Variants in CACNB4 observed in about 807,000 individuals in gnomAD.
CACNB4 encodes the protein voltage-dependent L-type calcium channel subunit beta-4.
In CACNB4, 32 loss-of-function variants were observed where a neutral mutation model predicts 71.2. That is an observed-to-expected ratio of 0.45 (90% CI 0.34 to 0.60). The LOEUF is 0.60. CACNB4 is among the 20% of genes least tolerant of loss of function. The probability of loss-of-function intolerance (pLI) is 0.01; values close to 1 mark genes in which losing one functional copy is unlikely to be tolerated. For missense variants in CACNB4, 464 were observed against 647.9 expected (o/e 0.72, Z 3.08); for synonymous variants, 231 against 236.9 (o/e 0.97, Z 0.23).
At chr2:152,091,293 G>A (rs867723674) in intron 2 of CACNB4, among the ~76,000 whole-genome samples, 2 of 152,076 alleles carry the variant, frequency 1.3e-5, no homozygotes, top group African/African-American at 2.4e-5. Flanking sequence ...AAATAAGCGC[G>A]AACTTTTTAA....
intron 2 of CACNB4, chr2:151,972,513 T>C (rs1158834133): frequency 6.6e-6 from 1 of 152,184 alleles, no homozygotes; most frequent in African/African-American, 2.4e-5. Flanking sequence ...GACAGTCTGA[T>C]CATTTATGAG....
At chr2:152,095,919 C>T (rs1688242055) in intron 2 of CACNB4, among the ~76,000 whole-genome samples, 2 of 152,178 alleles carry the variant, frequency 1.3e-5, no homozygotes, top group Admixed American at 1.3e-4. Context: ...TCCCAAAGTG[C>T]TGGGATTACA....
chr2:152,032,907 T>C (rs1684363847), intron 2 of CACNB4, among the ~76,000 whole-genome samples: 1 of 152,160 alleles, frequency 6.6e-6, no homozygotes, highest in Non-Finnish European at 1.5e-5. Context: ...TGAGCTATGA[T>C]TATGCCACTG....
intron 2 of CACNB4, among the ~76,000 whole-genome samples, chr2:151,947,449 G>A (rs896871056): frequency 6.6e-6 from 1 of 152,212 alleles, no homozygotes; most frequent in African/African-American, 2.4e-5. Context: ...GGCAGGGGGA[G>A]TGGGGGACGG....
intron 2 of CACNB4, among the ~76,000 whole-genome samples, chr2:151,911,764 C>T (rs2099856224): frequency 6.6e-6 from 1 of 152,134 alleles, no homozygotes; most frequent in Admixed American, 6.6e-5. Context: ...CCAGCTCCTC[C>T]TTGTATTTCT....
intron 2 of CACNB4, among the ~76,000 whole-genome samples, chr2:151,902,293 A>C (rs566458673): frequency 1.3e-5 from 2 of 152,128 alleles, no homozygotes; most frequent in Non-Finnish European, 2.9e-5. Flanking sequence ...AGCATCCCAA[A>C]GTATGGGGAT....
At chr2:151,937,451 T>C (rs2099863192) in intron 2 of CACNB4, among the ~76,000 whole-genome samples, 1 of 152,226 alleles carries the variant, frequency 6.6e-6, no homozygotes, top group Admixed American at 6.5e-5. Context: ...AAGGGAGGGA[T>C]CTGAGATGCC....
intron 2 of CACNB4, among the ~76,000 whole-genome samples, chr2:151,920,324 T>A (rs2099858678): frequency 7.0e-6 from 1 of 143,458 alleles, no homozygotes; most frequent in African/African-American, 2.6e-5. Flanking sequence ...TCTTCTTTTT[T>A]TTTTTTTTTT....
chr2:152,075,271 T>C (rs960421801), intron 2 of CACNB4, among the ~76,000 whole-genome samples: 14 of 152,214 alleles, frequency 9.2e-5, no homozygotes, highest in African/African-American at 3.4e-4. Flanking sequence ...CCACAACTGA[T>C]TCCATCAACA....
At chr2:152,020,395 T>C (rs1683592567) in intron 2 of CACNB4, among the ~76,000 whole-genome samples, 1 of 152,202 alleles carries the variant, frequency 6.6e-6, no homozygotes, top group Admixed American at 6.5e-5. Context: ...GAAGTTGTGA[T>C]GATGCTTCAG....
At chr2:151,970,350 G>A (rs77703178) in intron 2 of CACNB4, 1 of 152,092 alleles carries the variant, frequency 6.6e-6, no homozygotes, top group South Asian at 2.1e-4. Context: ...ACTATTTCTG[G>A]GTGGTAGGTT....
At chr2:151,856,074 T>C (rs1206499402) in intron 10 of CACNB4, among the ~76,000 whole-genome samples, 2 of 150,244 alleles carry the variant, frequency 1.3e-5, no homozygotes, top group Admixed American at 1.3e-4. Flanking sequence ...CTGGCTGTAA[T>C]AGCCAAGTGA....
chr2:152,012,414 A>G (rs1683108780), intron 2 of CACNB4, among the ~76,000 whole-genome samples: 1 of 151,970 alleles, frequency 6.6e-6, no homozygotes, highest in Non-Finnish European at 1.5e-5. Flanking sequence ...GACCAGCCTG[A>G]CCAACATGGT....
intron 7 of CACNB4, 115 bp from the exon 8 acceptor site, chr2:151,870,726 C>T (rs977065133): frequency 3.8e-5 from 46 of 1,217,854 alleles, no homozygotes; most frequent in Non-Finnish European, 5.4e-5. Context: ...TATCAAAGTC[C>T]CCACCGAGGA....
At position 152,034,930 on chromosome 2, in the gene CACNB4, T is replaced by A. The variant is rs116849871; in HGVS notation, c.147+63400A>T. 2.8e-4 allele frequency among the ~76,000 whole-genome samples: 43 copies of A among 152,316 alleles called. No individual in the cohort carries two copies. The East Asian group carries it at 8.3e-3, about 29-fold the overall frequency. On this transcript the variant is annotated intron_variant, in intron 2 of 13. Transcript: ENST00000539935. ...GCAGAACAGTTGACCAAAGGAATCG[T>A]GAGTGCAGCTGGAGTCCTGGGAAGT... is the stretch of plus-strand genomic sequence containing the variant.
chr2:152,013,259 T>C (rs1683159037), intron 2 of CACNB4, among the ~76,000 whole-genome samples: 2 of 152,200 alleles, frequency 1.3e-5, no homozygotes, highest in African/African-American at 4.8e-5. Context: ...TACATGACTG[T>C]ACAGAGTTTT....
chr2:151,984,097 C>T (rs1322903416), intron 2 of CACNB4, among the ~76,000 whole-genome samples: 2 of 152,164 alleles, frequency 1.3e-5, no homozygotes, highest in African/African-American at 4.8e-5. Context: ...CGGTCCAGAG[C>T]TCTATCGAAT....
chr2:151,967,104 G>A (rs539860106), intron 2 of CACNB4: 1 of 142,950 alleles, frequency 7.0e-6, no homozygotes, highest in African/African-American at 2.7e-5. Flanking sequence ...CTGAAGTGCA[G>A]TGGCATGATC....
chr2:152,084,103 G>A (rs565975968), intron 2 of CACNB4, among the ~76,000 whole-genome samples: 3 of 152,314 alleles, frequency 2.0e-5, no homozygotes, highest in East Asian at 1.9e-4. Context: ...CGACATGAAT[G>A]AGTACAAAAG....
Sources: allele counts gnomAD v4.1 joint callset (sites outside exome capture counted in the v4.1 genomes callset), GRCh38; gene constraint gnomAD v4.1.1; transcripts MANE v1.5; gene names NCBI Gene and HGNC (gene_info 2026-07-23, HGNC 2026-07-21).